SCN10A: variants seen among roughly 807,000 people sequenced by gnomAD.
SCN10A encodes sodium channel protein type 10 subunit alpha.
In SCN10A, 162 loss-of-function variants were observed where a neutral mutation model predicts 170.7. The observed-to-expected ratio is 0.95, with a 90% CI of 0.84 to 1.08. SCN10A has a LOEUF of 1.08. SCN10A is among the 50% of genes least tolerant of loss of function. The pLI is 0.00. For missense variants in SCN10A, 2,527 were observed against 2,436.9 expected, an observed-to-expected ratio of 1.04 and a Z score of -0.78; for synonymous variants, 985 against 904.6, an observed-to-expected ratio of 1.09 and a Z score of -1.59.
In SCN10A at chr3:38,722,243, T is replaced by C; in HGVS notation, c.3507+15A>G. On this transcript the variant is annotated intron_variant, in intron 20 of 27. Coordinates refer to ENST00000449082, the MANE Select transcript of SCN10A (RefSeq NM_006514.4). ...ATCTGGAGGATTTGGGGGCAGGGAC[T>C]ATGCCTCCCCTTACCAGAGATCCAC... The C allele has an allele frequency of 2.5e-6, 4 of 1,610,958 alleles. No homozygotes were observed. The East Asian group carries it at 8.9e-5, about 36-fold the overall frequency.
intron 15 of SCN10A, among the ~76,000 whole-genome samples, chr3:38,733,464 TATC>T (rs939722116): frequency 3.3e-5 from 5 of 152,214 alleles, no homozygotes; most frequent in South Asian, 2.1e-4. Context: ...TTAAAATACT[TATC>T]ATTACAATAA....
At chr3:38,718,628 C>G (rs745698392) in intron 21 of SCN10A, 25 bp downstream of exon 21, 1 of 1,612,822 alleles carries the variant, frequency 6.2e-7, no homozygotes, top group Non-Finnish European at 8.5e-7. Flanking sequence ...CCCCAAACCC[C>G]ACGTGTTCCC....
chr3:38,739,444 G>A (rs934966255), intron 15 of SCN10A, 71 bp downstream of exon 15: 1 of 1,395,988 alleles, frequency 7.2e-7, no homozygotes, highest in Non-Finnish European at 9.9e-7. Flanking sequence ...GGCTGGTGCA[G>A]TCCCCAGAGC....
chr3:38,799,410 C>G (rs1190166251), intron 1 of SCN10A, among the ~76,000 whole-genome samples: 1 of 152,132 alleles, frequency 6.6e-6, no homozygotes, highest in Admixed American at 6.5e-5. Context: ...AACAAGTGTC[C>G]TCTGGGAAAA....
At chr3:38,782,326 C>G (rs2064147897) in intron 4 of SCN10A, among the ~76,000 whole-genome samples, 1 of 151,952 alleles carries the variant, frequency 6.6e-6, no homozygotes, top group African/African-American at 2.4e-5. Context: ...CGGTAAAATG[C>G]CTTTATTCTC....
chr3:38,725,084 C>G (rs1219606053), intron 18 of SCN10A, 90 bp downstream of exon 18: 1 of 1,297,292 alleles, frequency 7.7e-7, no homozygotes, highest in Non-Finnish European at 1.0e-6. Context: ...CTGGAATACC[C>G]CACCTTCACC....
intron 18 of SCN10A, among the ~76,000 whole-genome samples, 165 bp from the exon 19 acceptor site, chr3:38,723,718 T>G (rs1264333374): frequency 6.6e-6 from 1 of 152,236 alleles, no homozygotes; most frequent in Non-Finnish European, 1.5e-5. Flanking sequence ...TGTGTGAGAC[T>G]GTAAACCTTC....
At chr3:38,710,806 A>C in intron 24 of SCN10A, 38 bp downstream of exon 24, 1 of 1,594,770 alleles carries the variant, frequency 6.3e-7, no homozygotes, top group African/African-American at 1.3e-5. Flanking sequence ...TAGAATGCAC[A>C]GAGGGGAAGG....
Position 38,709,541 on chromosome 3 carries a change from G to C in SCN10A, c.4218C>G (p.Gly1406=). The C allele has an allele frequency of 6.2e-7, 1 of 1,613,192 alleles. No homozygotes were observed. The highest frequency in any genetic ancestry group is 1.1e-5 in the South Asian group (1 of 90,816). The part of the protein sequence containing the change: ...LYFVIFIIFG[G]FFTLNLFVGV... ...CAACAAAGAGATTCAGTGTGAAGAA[G>C]CCTCCAAAAATGATGAAGATGACAA... is the stretch of plus-strand genomic sequence containing the variant. Residue 1406 remains glycine (G), a synonymous_variant, in exon 25 of 28, where the codon GGC becomes GGG. Transcript: ENST00000449082.
At chr3:38,730,662 T>C (rs2063504989) in intron 15 of SCN10A, among the ~76,000 whole-genome samples, 1 of 151,938 alleles carries the variant, frequency 6.6e-6, no homozygotes, top group Non-Finnish European at 1.5e-5. Context: ...AAAAAAACTA[T>C]AGATAACAAT....
intron 19 of SCN10A, among the ~76,000 whole-genome samples, chr3:38,722,970 T>C (rs546216545): frequency 1.3e-5 from 2 of 152,350 alleles, no homozygotes; most frequent in South Asian, 2.1e-4. Flanking sequence ...GAGAATGTAA[T>C]GTGCCTCACT....
rs766734425 is a variant in SCN10A at position 38,792,229 on chromosome 3, ATGTTTTTAAACATGAG to A, written c.271-77_271-62del. Reference sequence around the variant, plus strand: ...GAGAAACAAGATTCCTTATACAACCATGTTTTTAAACATGAGAGGCATTATCTCAGGCTTATGAGCA... The same window carrying A: ...GAGAAACAAGATTCCTTATACAACCAAGGCATTATCTCAGGCTTATGAGCA... On this transcript the variant is annotated intron_variant, in intron 2 of 27. Coordinates refer to ENST00000449082, the MANE Select transcript of SCN10A (RefSeq NM_006514.4). 183 of 1,591,434 alleles carry A rather than the reference ATGTTTTTAAACATGAG, an allele frequency of 1.1e-4. No individual in the cohort carries two copies. In the Middle Eastern group the frequency reaches 2.3e-3, roughly 20 times the overall value.
Position 38,742,205 on chromosome 3 carries a change from C to A in SCN10A, c.2106+86G>T. 5 of 881,978 alleles carry A rather than the reference C, an allele frequency of 5.7e-6. No homozygotes were observed. The South Asian group carries it at 6.1e-5, about 11-fold the overall frequency. The allele number at this position is 881,978 out of a possible 1,614,324, so 54.6% of individuals were successfully genotyped here. ...CAACACACTAACCAATAAGGGCATG[C>A]CCCACCCCACCCGAACTGCACCCTG... is the stretch of plus-strand genomic sequence containing the variant. On this transcript the variant is annotated intron_variant, in intron 14 of 27. Transcript: ENST00000449082.
chr3:38,738,868 AG>A (rs1397803119), intron 15 of SCN10A, among the ~76,000 whole-genome samples: 1 of 152,208 alleles, frequency 6.6e-6, no homozygotes, highest in African/African-American at 2.4e-5. Flanking sequence ...AGTTTAGAGA[AG>A]AGCCATCATT....
rs527401897 is a variant in SCN10A at position 38,712,377 on chromosome 3, G to A, written c.3873C>T (p.Phe1291=). The part of the protein sequence containing the change: ...IMNVLLVCLI[F]WLIFSIMGVN... ...CACCCATGATGCTGAAGATGAGCCA[G>A]AAGATGAGGCAGACGAGGAGGACAT... Residue 1291 remains phenylalanine (F), a synonymous_variant, in exon 23 of 28, where the codon TTC becomes TTT. Transcript: ENST00000449082. The A allele has an allele frequency of 1.2e-6, 2 of 1,614,182 alleles. No homozygotes were observed. The highest frequency in any genetic ancestry group is 3.3e-5 in the Admixed American group (2 of 60,020).
intron 26 of SCN10A, among the ~76,000 whole-genome samples, chr3:38,703,792 T>C (rs1255951865): frequency 6.6e-5 from 10 of 152,222 alleles, no homozygotes; most frequent in Non-Finnish European, 1.5e-4. Flanking sequence ...CAGCCAGGAA[T>C]TAACATATAT....
intron 1 of SCN10A, among the ~76,000 whole-genome samples, chr3:38,798,477 A>T (rs531505670): frequency 2.7e-4 from 41 of 152,294 alleles, no homozygotes; most frequent in African/African-American, 9.4e-4. Flanking sequence ...TCCCTATTTT[A>T]GAGTCTAGTT....
intron 1 of SCN10A, 70 bp downstream of exon 1, chr3:38,815,967 C>G (rs1367674445): frequency 6.6e-6 from 1 of 152,138 alleles, no homozygotes; most frequent in Non-Finnish European, 1.5e-5. Flanking sequence ...AATCTGTAAT[C>G]CCCCTCAAAA....
intron 15 of SCN10A, among the ~76,000 whole-genome samples, chr3:38,732,787 G>T (rs2063524257): frequency 6.6e-6 from 1 of 152,190 alleles, no homozygotes; most frequent in South Asian, 2.1e-4. Context: ...AATTGGCTAT[G>T]TTGGTCAAGA....
Sources: allele counts gnomAD v4.1 joint callset (sites outside exome capture counted in the v4.1 genomes callset), GRCh38; gene constraint gnomAD v4.1.1; transcripts MANE v1.5; gene names NCBI Gene and HGNC (gene_info 2026-07-23, HGNC 2026-07-21).